The following TECPR2 variants were observed in gnomAD, a reference collection of about 807,000 sequenced individuals.
TECPR2 encodes the protein tectonin beta-propeller repeat containing 2, also known as tectonin beta-propeller repeat-containing protein 2.
A neutral mutation model predicts 138.1 loss-of-function variants in TECPR2; 65 were observed. The observed-to-expected ratio is 0.47, with a 90% CI of 0.39 to 0.58. TECPR2 has a LOEUF of 0.58. Among genes scored for constraint, TECPR2 ranks in the 20% least tolerant of loss-of-function variants. TECPR2 has a pLI of 0.00. For synonymous variants in TECPR2, 746 were observed against 749.8 expected (o/e 0.99, Z 0.08); for missense variants, 1,553 against 1,824.5 (o/e 0.85, Z 2.71).
At chr14:102,481,283 C>T (rs1890888495) in intron 17 of TECPR2, among the ~76,000 whole-genome samples, 2 of 151,792 alleles carry the variant, frequency 1.3e-5, no homozygotes, top group Non-Finnish European at 2.9e-5. Flanking sequence ...GGATTGCATG[C>T]GTGAGCCACT....
At chr14:102,465,319 T>A in intron 17 of TECPR2, 30 bp downstream of exon 17, 3 of 1,610,146 alleles carry the variant, frequency 1.9e-6, no homozygotes, top group Non-Finnish European at 2.5e-6. Context: ...TGGAACTCAC[T>A]CTTCAGTAAG....
chr14:102,368,779 G>C (rs995098720), intron 1 of TECPR2, among the ~76,000 whole-genome samples: 2 of 152,168 alleles, frequency 1.3e-5, no homozygotes, highest in Non-Finnish European at 1.5e-5. Flanking sequence ...CATGGCAGCA[G>C]TGTAGGCGAG....
chr14:102,489,703 C>CAAA (rs35017559), intron 17 of TECPR2, among the ~76,000 whole-genome samples: 161 of 134,038 alleles, frequency 1.2e-3, no homozygotes, highest in South Asian at 7.9e-3. Flanking sequence ...AAAACTGTGT[C>CAAA]AAAAAAAAAA....
intron 6 of TECPR2, among the ~76,000 whole-genome samples, chr14:102,426,907 A>T (rs1480831883): frequency 6.6e-6 from 1 of 152,196 alleles, no homozygotes. Context: ...TCAGCAGAAC[A>T]TGAAGTTCAT....
intron 16 of TECPR2, among the ~76,000 whole-genome samples, chr14:102,464,509 C>G (rs35022792): frequency 6.6e-6 from 1 of 151,864 alleles, no homozygotes; most frequent in Non-Finnish European, 1.5e-5. Context: ...CTCAGCCTCC[C>G]GAGTAGCTGG....
At chr14:102,489,303 T>C (rs1891105816) in intron 17 of TECPR2, among the ~76,000 whole-genome samples, 1 of 152,140 alleles carries the variant, frequency 6.6e-6, no homozygotes. Context: ...CCTGGGATTT[T>C]CCTCTTCTGG....
intron 2 of TECPR2, among the ~76,000 whole-genome samples, chr14:102,379,857 A>C (rs1194205305): frequency 6.6e-5 from 8 of 120,578 alleles, no homozygotes; most frequent in Middle Eastern, 6.1e-3. Context: ...TGAAGATCAC[A>C]GTCTTAAAAT....
rs1484106935 is a variant in TECPR2, at chr14:102,443,970, T to A, written c.2933+143T>A. ...TGGCTATAGGCTAAGCTTGAATCTC[T>A]GCCTAATTCTGACCGGCAAACTGGA... On this transcript the variant is annotated intron_variant, in intron 12 of 19. Coordinates refer to ENST00000359520, the MANE Select transcript of TECPR2 (RefSeq NM_014844.5). The surrounding 1 kb of genome is among the most constrained non-coding windows in gnomAD (Gnocchi z 4.9). The A allele has an allele frequency of 1.3e-6, 1 of 796,206 alleles. No individual in the cohort carries two copies. The highest frequency in any genetic ancestry group is 1.8e-6 in the Non-Finnish European group (1 of 549,952). 49.3% of individuals were successfully genotyped at this position (796,206 alleles called of 1,614,324 possible).
At chr14:102,496,783 C>T in intron 17 of TECPR2, 196 bp from the exon 18 acceptor site, 2 of 783,702 alleles carry the variant, frequency 2.6e-6, no homozygotes, top group Non-Finnish European at 4.0e-6. Context: ...GTCTGGCCCA[C>T]CTGACATTCT....
chr14:102,410,757 C>A (rs1888824777), intron 4 of TECPR2, among the ~76,000 whole-genome samples: 1 of 152,062 alleles, frequency 6.6e-6, no homozygotes, highest in African/African-American at 2.4e-5. Context: ...TATTCCTATT[C>A]ACCATTCTCA....
At chr14:102,453,404 C>T (rs986059271) in intron 16 of TECPR2, among the ~76,000 whole-genome samples, 1 of 151,616 alleles carries the variant, frequency 6.6e-6, no homozygotes, top group Non-Finnish European at 1.5e-5. Context: ...TGCTTGAACC[C>T]GGGAGGCGGG....
chr14:102,413,971 A>C (rs1888954511), intron 4 of TECPR2, among the ~76,000 whole-genome samples: 1 of 151,078 alleles, frequency 6.6e-6, no homozygotes. Flanking sequence ...CTAATAAAAA[A>C]AATTTTTTTG....
At chr14:102,491,504 G>A (rs1891159732) in intron 17 of TECPR2, among the ~76,000 whole-genome samples, 1 of 152,186 alleles carries the variant, frequency 6.6e-6, no homozygotes, top group Middle Eastern at 3.2e-3. Context: ...ATGAGACACC[G>A]TGCCCAGCCC....
At chr14:102,489,960 G>T (rs1191471217) in intron 17 of TECPR2, among the ~76,000 whole-genome samples, 1 of 151,860 alleles carries the variant, frequency 6.6e-6, no homozygotes, top group Non-Finnish European at 1.5e-5. Context: ...TTTAGTGGAG[G>T]CACTTACATC....
chr14:102,420,852 T>G lies in TECPR2; in HGVS notation c.639-4127T>G, dbSNP rs909025850. Among the ~76,000 whole-genome samples, 5 of 152,272 alleles carry G rather than the reference T, an allele frequency of 3.3e-5. 1 individual carries two copies. Among genetic ancestry groups the G allele is most frequent in the Admixed American group, 2.6e-4 (4 of 15,286 alleles). The stretch of plus-strand genomic sequence containing the variant: ...CCTTCCTCCAGGGTAAGAGTCCACC[T>G]GGTGTTCAGGACCTCGCCTTCTCAT... On this transcript the variant is annotated intron_variant, in intron 5 of 19. Transcript: ENST00000359520. The surrounding 1 kb of genome is among the most constrained non-coding windows in gnomAD (Gnocchi z 4.1).
At chr14:102,496,732 C>T (rs184347265) in intron 17 of TECPR2, 4 of 543,346 alleles carry the variant, frequency 7.4e-6, no homozygotes, top group East Asian at 6.5e-5. Context: ...TTCTTGGCCT[C>T]CTGCTGGAGT....
intron 2 of TECPR2, among the ~76,000 whole-genome samples, chr14:102,388,119 G>A (rs529962544): frequency 6.6e-6 from 1 of 152,296 alleles, no homozygotes; most frequent in East Asian, 1.9e-4. Flanking sequence ...TTTGCCCAGT[G>A]CCTTCCATTG....
intron 16 of TECPR2, among the ~76,000 whole-genome samples, chr14:102,455,504 T>G (rs939516456): frequency 6.6e-6 from 1 of 152,222 alleles, no homozygotes; most frequent in Non-Finnish European, 1.5e-5. Flanking sequence ...TAGAGTGCAG[T>G]GGCACGATCT....
intron 10 of TECPR2, 51 bp downstream of exon 10, chr14:102,438,256 T>C (rs773732036): frequency 5.8e-6 from 9 of 1,558,350 alleles, no homozygotes; most frequent in South Asian, 1.2e-5. Context: ...TCGCCGCTCC[T>C]GCTCCCCGCC....
Sources: gnomAD v4.1 joint callset for allele counts (sites outside exome capture counted in the v4.1 genomes callset) on GRCh38, gnomAD v4.1.1 for gene constraint, Gnocchi (gnomAD v3.1) non-coding constraint, MANE v1.5 for transcripts, NCBI Gene and HGNC (gene_info 2026-07-23, HGNC 2026-07-21) for gene names.